The following DAB2IP variants were observed in gnomAD, a reference collection of about 807,000 sequenced individuals.
DAB2IP encodes the protein DAB2 interacting protein.
Under a neutral mutation model 107.2 loss-of-function variants are expected in DAB2IP, and 28 were observed. That is an observed-to-expected ratio of 0.26 (90% CI 0.19 to 0.36). The LOEUF is 0.36. DAB2IP is among the 10% of genes least tolerant of loss of function. The probability of loss-of-function intolerance (pLI) is 1.00; values close to 1 mark genes in which losing one functional copy is unlikely to be tolerated. For synonymous variants in DAB2IP, 755 were observed against 706.4 expected, an observed-to-expected ratio of 1.07 and a Z score of -1.09; for missense variants, 1,400 against 1,644.7, an observed-to-expected ratio of 0.85 and a Z score of 2.57.
At chr9:121,626,575 C>T (rs1831655486) in intron 1 of DAB2IP, among the ~76,000 whole-genome samples, 1 of 151,944 alleles carries the variant, frequency 6.6e-6, no homozygotes, top group South Asian at 2.1e-4. Context: ...AGGCATCTGC[C>T]ACCATGCCCA....
intron 2 of DAB2IP, among the ~76,000 whole-genome samples, chr9:121,682,356 A>C (rs1828642560): frequency 6.6e-6 from 1 of 152,200 alleles, no homozygotes; most frequent in African/African-American, 2.4e-5. Flanking sequence ...GGCTGTCAGC[A>C]TCTCTTACAG....
At chr9:121,703,799 A>T (rs1226280436) in intron 3 of DAB2IP, among the ~76,000 whole-genome samples, 1 of 152,202 alleles carries the variant, frequency 6.6e-6, no homozygotes, top group Non-Finnish European at 1.5e-5. Context: ...CAGTTTTCTC[A>T]TCCACAGTGT....
exon 16 of DAB2IP, chr9:121,783,068 C>T (rs892652042): frequency 9.7e-7 from 1 of 1,032,654 alleles, no homozygotes. Context: ...TCCGAAGCAC[C>T]TGCCACTGCA....
rs561839511 is a variant in DAB2IP at position 121,593,249 on chromosome 9, C to T, written c.40+26021C>T. Among the ~76,000 whole-genome samples, 18 of 152,196 alleles carry T rather than the reference C, an allele frequency of 1.2e-4. No individual in the cohort carries two copies. In the East Asian group the frequency reaches 3.5e-3, roughly 29 times the overall value. On this transcript the variant is annotated intron_variant, in intron 1 of 16. Transcript: ENST00000259371. ...CAGGCATGCTCACCACTGTGCTTGG[C>T]TTCTCTTGGAATTTTGTTGTTGTTG...
intron 1 of DAB2IP, among the ~76,000 whole-genome samples, chr9:121,622,094 T>G (rs1361818403): frequency 6.6e-6 from 1 of 150,882 alleles, no homozygotes; most frequent in Non-Finnish European, 1.5e-5. Flanking sequence ...GCTCAAGCGA[T>G]TCTCCTGCCT....
chr9:121,768,751 G>A, intron 10 of DAB2IP, 118 bp downstream of exon 10: 1 of 1,267,778 alleles, frequency 7.9e-7, no homozygotes, highest in Non-Finnish European at 1.1e-6. Context: ...GATCAGGCCA[G>A]GTCCTGTCAG....
At chr9:121,783,855 GTC>G (rs1251954140) in exon 16 of DAB2IP, 5 of 466,166 alleles carry the variant, frequency 1.1e-5, no homozygotes, top group African/African-American at 7.8e-5. Context: ...AGGAGCTTGG[GTC>G]TCTCTCGGCC....
intron 3 of DAB2IP, among the ~76,000 whole-genome samples, chr9:121,721,995 A>G (rs1396098258): frequency 6.6e-6 from 1 of 152,180 alleles, no homozygotes; most frequent in Middle Eastern, 3.2e-3. Context: ...CTGCCCTGAG[A>G]GCCTCCAGCT....
Position 121,633,018 on chromosome 9 carries a change from T to C in DAB2IP, c.41-45660T>C, listed in dbSNP as rs1831951244. ...TGCTCAGCTTCCCTCTCTCCCAGAC[T>C]GAGGGGTTCCAGCTGCTCCGGGCAG... On this transcript the variant is annotated intron_variant, in intron 1 of 16. Coordinates refer to the DAB2IP transcript ENST00000259371. This position sits in a 1 kb window ranked among gnomAD's most constrained non-coding sequence, Gnocchi z 5.1. Among the ~76,000 whole-genome samples, 1 of 152,200 alleles carries C rather than the reference T, an allele frequency of 6.6e-6. No individual in the cohort carries two copies. Among genetic ancestry groups the C allele is most frequent in the African/African-American group, 2.4e-5 (1 of 41,458 alleles).
chr9:121,777,312 A>G (rs1156787251), intron 14 of DAB2IP, among the ~76,000 whole-genome samples: 2 of 152,288 alleles, frequency 1.3e-5, no homozygotes, highest in Middle Eastern at 3.4e-3. Flanking sequence ...GATTCCTCCT[A>G]TTTAGACCAC....
intron 1 of DAB2IP, among the ~76,000 whole-genome samples, chr9:121,606,780 T>G (rs894819288): frequency 5.9e-5 from 9 of 151,808 alleles, no homozygotes; most frequent in African/African-American, 1.9e-4. Flanking sequence ...TTTTTTGTTT[T>G]TTTTTTTTTC....
intron 1 of DAB2IP, among the ~76,000 whole-genome samples, chr9:121,671,769 T>A (rs1334506166): frequency 6.6e-6 from 1 of 152,260 alleles, no homozygotes; most frequent in African/African-American, 2.4e-5. Context: ...TTGTGTTCCA[T>A]GTGAATAGTG....
At chr9:121,630,722 C>T (rs969323935) in intron 1 of DAB2IP, among the ~76,000 whole-genome samples, 2 of 151,742 alleles carry the variant, frequency 1.3e-5, no homozygotes, top group Non-Finnish European at 2.9e-5. Flanking sequence ...ATTCTCCTGC[C>T]TCAGCCTCCC....
rs776295877 is a variant in DAB2IP at position 121,763,699 on chromosome 9, G to T, written c.1316-36G>T. On this transcript the variant is annotated intron_variant, in intron 7 of 15. Coordinates refer to ENST00000408936, the Ensembl canonical transcript of DAB2IP. The stretch of plus-strand genomic sequence containing the variant: ...CAGAGGGTGGGGCAGGGCCCGCCAG[G>T]TCCTCACTCCCCACTCCCTGCCCAC... The T allele has an allele frequency of 1.9e-6, 3 of 1,612,200 alleles. No homozygotes were observed. In the East Asian group the frequency reaches 6.7e-5, roughly 36 times the overall value.
intron 10 of DAB2IP, among the ~76,000 whole-genome samples, chr9:121,770,163 G>GT (rs994475627): frequency 1.1e-4 from 17 of 152,352 alleles, no homozygotes; most frequent in Middle Eastern, 3.4e-3. Context: ...ATCCCGTGGA[G>GT]TAAGTGATGT....
At chr9:121,719,525 G>A (rs1448681551) in intron 3 of DAB2IP, among the ~76,000 whole-genome samples, 1 of 152,164 alleles carries the variant, frequency 6.6e-6, no homozygotes, top group Non-Finnish European at 1.5e-5. Flanking sequence ...AAAGGGCCTG[G>A]AGCATCGGGA....
At chr9:121,669,639 A>G (rs927631217) in intron 1 of DAB2IP, among the ~76,000 whole-genome samples, 3 of 152,192 alleles carry the variant, frequency 2.0e-5, no homozygotes, top group Non-Finnish European at 2.9e-5. Flanking sequence ...GGAGGCTGGC[A>G]TTGGGGGCTA....
Position 121,621,813 on chromosome 9 carries a change from A to ATTT in DAB2IP, c.40+54595_40+54597dup, listed in dbSNP as rs60287073. Among the ~76,000 whole-genome samples the ATTT allele has an allele frequency of 9.9e-4, 141 of 143,128 alleles. 1 individual carries two copies. Among genetic ancestry groups the ATTT allele is most frequent in the Middle Eastern group, 7.0e-3 (2 of 284 alleles). 93.9% of individuals were successfully genotyped at this position (143,128 alleles called of 152,430 possible). ...AAGAGCATGCCACCACACCTGGCTA[A>ATTT]TTTTTTTTTTTTCGTATTTTTAGTA... On this transcript the variant is annotated intron_variant, in intron 1 of 16. Transcript: ENST00000259371.
intron 1 of DAB2IP, among the ~76,000 whole-genome samples, chr9:121,676,559 C>T (rs1374358269): frequency 6.6e-6 from 1 of 152,140 alleles, no homozygotes; most frequent in Non-Finnish European, 1.5e-5. Flanking sequence ...ACCCCCCACG[C>T]ACCAGGCTCC....
Sources: gnomAD v4.1 joint callset for allele counts (sites outside exome capture counted in the v4.1 genomes callset) on GRCh38, gnomAD v4.1.1 for gene constraint, Gnocchi (gnomAD v3.1) non-coding constraint, MANE v1.5 for transcripts, NCBI Gene and HGNC (gene_info 2026-07-23, HGNC 2026-07-21) for gene names.